The following TMEM232 variants were observed in gnomAD, a reference collection of about 807,000 sequenced individuals.
TMEM232 encodes transmembrane protein 232.
TMEM232 carries 80 observed loss-of-function variants against 78.8 expected under a neutral mutation model. That is an observed-to-expected ratio of 1.01 (90% confidence interval 0.85 to 1.22). The LOEUF (loss-of-function observed/expected upper bound fraction) is 1.22, where lower values mean the gene tolerates loss of function less well. Ranked by LOEUF, TMEM232 falls within the 50% of genes most tolerant of loss-of-function variation. TMEM232 has a pLI of 0.00. For synonymous variants in TMEM232, 297 were observed against 254.3 expected, an observed-to-expected ratio of 1.17 and a Z score of -1.60; for missense variants, 881 against 742.2, an observed-to-expected ratio of 1.19 and a Z score of -2.17.
upstream of TMEM232, among the ~76,000 whole-genome samples, chr5:110,730,006 T>TA (rs1429235464): frequency 1.3e-5 from 2 of 152,208 alleles, no homozygotes; most frequent in African/African-American, 4.8e-5. Flanking sequence ...AGTGCTCTTA[T>TA]ATAGCACTTA....
intron 2 of TMEM232, among the ~76,000 whole-genome samples, chr5:110,400,494 G>A (rs2112568343): frequency 6.6e-6 from 1 of 151,956 alleles, no homozygotes; most frequent in Middle Eastern, 3.4e-3. Flanking sequence ...ATAGAAGCTT[G>A]AGAAAATAAG....
At chr5:110,413,932 A>G (rs1218884405) in intron 2 of TMEM232, among the ~76,000 whole-genome samples, 1 of 152,250 alleles carries the variant, frequency 6.6e-6, no homozygotes, top group Non-Finnish European at 1.5e-5. Context: ...GCTTCTGTCC[A>G]TAATCATTGG....
intron 3 of TMEM232, among the ~76,000 whole-genome samples, chr5:110,396,506 A>C (rs1755393221): frequency 6.6e-6 from 1 of 152,218 alleles, no homozygotes; most frequent in Non-Finnish European, 1.5e-5. Context: ...GACATGGCAT[A>C]GAGATGTGAG....
chr5:110,620,518 A>AT (rs1245389732), intron 7 of TMEM232, among the ~76,000 whole-genome samples: 3 of 150,462 alleles, frequency 2.0e-5, no homozygotes, highest in African/African-American at 7.3e-5. Flanking sequence ...CCTCTAGTAG[A>AT]TTCCTTCTAA....
intron 2 of TMEM232, among the ~76,000 whole-genome samples, chr5:110,399,108 C>G (rs1029400725): frequency 1.3e-5 from 2 of 151,882 alleles, no homozygotes; most frequent in Non-Finnish European, 2.9e-5. Flanking sequence ...CACGAAGAAC[C>G]CTGAATGACA....
intron 1 of TMEM232, among the ~76,000 whole-genome samples, chr5:110,675,801 G>T (rs762265287): frequency 4.8e-4 from 73 of 152,146 alleles, no homozygotes; most frequent in Non-Finnish European, 2.1e-4. Flanking sequence ...GAAAATTTAA[G>T]GTCAACCCGC....
intron 3 of TMEM232, among the ~76,000 whole-genome samples, chr5:110,641,433 C>T (rs754117207): frequency 2.0e-4 from 30 of 152,096 alleles, no homozygotes; most frequent in Non-Finnish European, 4.1e-4. Flanking sequence ...GGGAGATGAT[C>T]AGGATTGTTC....
chr5:110,486,579 T>C (rs1265953755), intron 12 of TMEM232, among the ~76,000 whole-genome samples: 1 of 152,096 alleles, frequency 6.6e-6, no homozygotes, highest in East Asian at 1.9e-4. Context: ...AGGGTATCCT[T>C]TCCCCACTTT....
At chr5:110,508,996 A>ATAAT (rs1474921539) in intron 12 of TMEM232, among the ~76,000 whole-genome samples, 1 of 125,782 alleles carries the variant, frequency 8.0e-6, no homozygotes, top group Admixed American at 7.8e-5. Context: ...ATGTGTATAT[A>ATAAT]TGTATATATA....
intron 1 of TMEM232, among the ~76,000 whole-genome samples, chr5:110,693,358 A>C (rs1230353593): frequency 6.6e-6 from 1 of 152,172 alleles, no homozygotes; most frequent in Admixed American, 6.5e-5. Flanking sequence ...TGGGGAAAAA[A>C]CAGAGCAGAA....
intron 2 of TMEM232, among the ~76,000 whole-genome samples, chr5:110,734,544 C>T (rs998535541): frequency 3.9e-5 from 6 of 152,146 alleles, no homozygotes; most frequent in Admixed American, 1.3e-4. Flanking sequence ...TCCAATAATT[C>T]GGGAATCACC....
intron 2 of TMEM232, among the ~76,000 whole-genome samples, chr5:110,647,457 C>T (rs973093272): frequency 1.3e-5 from 2 of 151,942 alleles, no homozygotes; most frequent in Non-Finnish European, 2.9e-5. Flanking sequence ...CATTAATATA[C>T]CTCTTTATGT....
At chr5:110,423,117 AG>A (rs1756851196) in intron 13 of TMEM232, among the ~76,000 whole-genome samples, 1 of 152,150 alleles carries the variant, frequency 6.6e-6, no homozygotes, top group Non-Finnish European at 1.5e-5. Flanking sequence ...TCTGTAGCTG[AG>A]GGGATGTGTT....
At position 110,441,126 on chromosome 5, in the gene TMEM232, G is replaced by C. The variant is rs571561407; in HGVS notation, c.1704-16210C>G. ...AAAAATGCAAGTCTCTGGATCCAGG[G>C]TTTCTGGATCTTGACCATATTGATA... On this transcript the variant is annotated intron_variant, in intron 12 of 13. Coordinates refer to ENST00000455884, the MANE Select transcript of TMEM232 (RefSeq NM_001039763.4). 2.6e-5 allele frequency among the ~76,000 whole-genome samples: 4 copies of C among 152,206 alleles called. No individual in the cohort carries two copies. The East Asian group carries it at 7.7e-4, about 29-fold the overall frequency.
chr5:110,406,251 G>A, intron 2 of TMEM232, among the ~76,000 whole-genome samples: 1 of 114,664 alleles, frequency 8.7e-6, no homozygotes, highest in African/African-American at 3.3e-5. Context: ...ATCTACCTAT[G>A]ACACAGATAT....
At chr5:110,417,060 G>T (rs1756244889), downstream of TMEM232, among the ~76,000 whole-genome samples, 2 of 152,160 alleles carry the variant, frequency 1.3e-5, no homozygotes, top group Admixed American at 1.3e-4. Context: ...GTGTGAAAGA[G>T]AAATTGCTTT....
intron 2 of TMEM232, among the ~76,000 whole-genome samples, chr5:110,650,105 G>A (rs1788088291): frequency 6.6e-6 from 1 of 151,940 alleles, no homozygotes; most frequent in South Asian, 2.1e-4. Flanking sequence ...TTTTGCAAAT[G>A]TATGTTGTAG....
At chr5:110,491,754 G>A (rs1372356050) in intron 12 of TMEM232, among the ~76,000 whole-genome samples, 2 of 151,786 alleles carry the variant, frequency 1.3e-5, no homozygotes, top group Non-Finnish European at 2.9e-5. Context: ...GGTTAAAGAC[G>A]AGGAATAAAA....
At chr5:110,619,052 A>T (rs1425506189) in intron 7 of TMEM232, among the ~76,000 whole-genome samples, 1 of 152,214 alleles carries the variant, frequency 6.6e-6, no homozygotes, top group Non-Finnish European at 1.5e-5. Flanking sequence ...AATTCAGATA[A>T]CAAATAAGCT....
Sources: gnomAD v4.1 joint callset for allele counts (sites outside exome capture counted in the v4.1 genomes callset) on GRCh38, gnomAD v4.1.1 for gene constraint, MANE v1.5 for transcripts, NCBI Gene and HGNC (gene_info 2026-07-23, HGNC 2026-07-21) for gene names.